The following CAST variants were observed in gnomAD, a reference collection of about 807,000 sequenced individuals.
CAST encodes the protein calpastatin, also known as MIR583 host.
Under a neutral mutation model 119.6 loss-of-function variants are expected in CAST, and 76 were observed. The observed-to-expected ratio is 0.64, with a 90% CI of 0.53 to 0.77. CAST has a LOEUF of 0.77. CAST is among the 30% of genes least tolerant of loss of function. CAST has a pLI of 0.00. For synonymous variants in CAST, 319 were observed against 331.6 expected (o/e 0.96, Z 0.41); for missense variants, 953 against 946.5 (o/e 1.01, Z -0.09).
chr5:96,355,996 G>A, the CAST span, among the ~76,000 whole-genome samples: 741 of 152,046 alleles, frequency 4.9e-3, 6 homozygotes, highest in South Asian at 0.015. Flanking sequence ...CACTGCACCC[G>A]GCCTGTTTCC....
chr5:96,734,791 GA>G (rs570172003), intron 9 of CAST, among the ~76,000 whole-genome samples: 171 of 152,328 alleles, frequency 1.1e-3, no homozygotes, highest in Middle Eastern at 3.4e-3. Context: ...CAGAGGAACT[GA>G]GGAGGAAAGA....
chr5:96,201,436 C>T, the CAST span, among the ~76,000 whole-genome samples: 1 of 152,080 alleles, frequency 6.6e-6, no homozygotes, highest in Admixed American at 6.6e-5. Flanking sequence ...AACTCTTGGG[C>T]AATGCCTTCA....
At chr5:96,599,782 GC>G (rs1282708139) in intron 1 of CAST, among the ~76,000 whole-genome samples, 3 of 151,970 alleles carry the variant, frequency 2.0e-5, no homozygotes, top group Admixed American at 1.3e-4. Flanking sequence ...TTTGAAATAA[GC>G]TATTTTCTTT....
chr5:96,529,573 T>A (rs1176352755), upstream of CAST, among the ~76,000 whole-genome samples: 1 of 152,186 alleles, frequency 6.6e-6, no homozygotes, highest in Non-Finnish European at 1.5e-5. Flanking sequence ...TTTTTGAGAT[T>A]TCAGCATTTA....
chr5:96,331,932 C>T, the CAST span, among the ~76,000 whole-genome samples: 1 of 152,198 alleles, frequency 6.6e-6, no homozygotes, highest in Non-Finnish European at 1.5e-5. Flanking sequence ...TTTCTTATCA[C>T]ACAGTCAACA....
At position 96,742,673 on chromosome 5, in the gene CAST, G is replaced by C. The variant is rs776042410; in HGVS notation, c.1117G>C (p.Ala373Pro). ...KVEKDTMSDQ[A>P]LEALSASLGT... The stretch of plus-strand genomic sequence containing the variant: ...TTAACAGGATACAATGAGTGATCAA[G>C]CACTCGAGGCTCTGTCGGCTTCACT... The change falls in exon 16 of 32, where the codon GCA becomes CCA. Residue 373 changes from alanine to proline, a missense_variant. Ala to Pro is a conservative substitution (Grantham distance 27). Coordinates refer to ENST00000675179, the MANE Select transcript of CAST (RefSeq NM_001750.7). The C allele has an allele frequency of 6.2e-7, 1 of 1,612,950 alleles. No individual in the cohort carries two copies. Among genetic ancestry groups the C allele is most frequent in the Non-Finnish European group, 8.5e-7 (1 of 1,178,954 alleles).
At chr5:96,722,330 T>C (rs1430496596) in intron 3 of CAST, among the ~76,000 whole-genome samples, 3 of 152,216 alleles carry the variant, frequency 2.0e-5, no homozygotes, top group Non-Finnish European at 4.4e-5. Flanking sequence ...AGGGAGTAAT[T>C]CTAATAATAA....
chr5:96,256,136 G>A, the CAST span, among the ~76,000 whole-genome samples: 1 of 150,610 alleles, frequency 6.6e-6, no homozygotes, highest in Non-Finnish European at 1.5e-5. Flanking sequence ...GTATATAAAT[G>A]TATCACCATC....
At position 96,695,914 on chromosome 5, in the gene CAST, G is replaced by A; in HGVS notation, c.210+7G>A. 6.2e-7 allele frequency: 1 copy of A among 1,607,358 alleles called. No homozygotes were observed. Among genetic ancestry groups the A allele is most frequent in the Non-Finnish European group, 8.5e-7 (1 of 1,174,772 alleles). ...AACAGCCTCGGCCACCAAGGTCAGT[G>A]ATTTCCTGAACACGAAAAGACCCCT... On this transcript the variant is annotated splice_region_variant and intron_variant, in intron 3 of 31. Coordinates refer to ENST00000675179, the MANE Select transcript of CAST (RefSeq NM_001750.7).
chr5:96,156,650 A>T, the CAST span, among the ~76,000 whole-genome samples: 1 of 152,244 alleles, frequency 6.6e-6, no homozygotes, highest in Non-Finnish European at 1.5e-5. Flanking sequence ...GCATGTTGGC[A>T]TTGAAGAAAT....
exon 32 of CAST, chr5:96,774,680 A>AAAATCTTGGTTGTGT (rs1773717298): frequency 3.1e-6 from 3 of 982,400 alleles, no homozygotes; most frequent in Non-Finnish European, 2.4e-6. Context: ...ATTTTACATT[A>AAAATCTTGGTTGTGT]AAATCTTGGT....
intron 4 of CAST, 39 bp from the exon 5 acceptor site, chr5:96,726,755 T>C: frequency 6.9e-7 from 1 of 1,440,514 alleles, no homozygotes; most frequent in Non-Finnish European, 9.7e-7. Context: ...GACTGACAGA[T>C]AAAATAAAAT....
the CAST span, among the ~76,000 whole-genome samples, chr5:96,372,574 A>G: frequency 6.6e-6 from 1 of 152,226 alleles, no homozygotes; most frequent in Admixed American, 6.5e-5. Flanking sequence ...GGACTTAGGC[A>G]GAGAACAAGC....
At chr5:96,194,424 TTATGA>T in the CAST span, among the ~76,000 whole-genome samples, 1 of 152,194 alleles carries the variant, frequency 6.6e-6, no homozygotes, top group Non-Finnish European at 1.5e-5. Context: ...CCATGGTATC[TTATGA>T]TGTGATGGGT....
chr5:96,587,946 T>C (rs1353590729), intron 1 of CAST, among the ~76,000 whole-genome samples: 1 of 152,186 alleles, frequency 6.6e-6, no homozygotes, highest in Non-Finnish European at 1.5e-5. Flanking sequence ...AAAGTGCCTA[T>C]ACTAGTGCCA....
chr5:96,198,991 G>A, the CAST span, among the ~76,000 whole-genome samples: 9 of 152,262 alleles, frequency 5.9e-5, no homozygotes, highest in South Asian at 1.9e-3. Context: ...CTTAAACACA[G>A]AAGAGGTGAA....
In CAST at chr5:96,700,664, G is replaced by A. The variant is rs146914130; in HGVS notation, c.210+4757G>A. ...CTACCCATAACCTAAACATCAACTA[G>A]AGAATCTGATTAAAATGCAGATTCT... is the stretch of plus-strand genomic sequence containing the variant. On this transcript the variant is annotated intron_variant, in intron 3 of 31. Transcript: ENST00000675179. 5.9e-5 allele frequency among the ~76,000 whole-genome samples: 9 copies of A among 152,256 alleles called. No homozygotes were observed. The East Asian group carries it at 1.7e-3, about 29-fold the overall frequency.
At chr5:96,625,766 G>C (rs1013403222) in intron 1 of CAST, among the ~76,000 whole-genome samples, 2 of 152,178 alleles carry the variant, frequency 1.3e-5, no homozygotes, top group Non-Finnish European at 2.9e-5. Flanking sequence ...TTGCAGCTTC[G>C]TTGGATGCAC....
At chr5:96,158,522 G>T in the CAST span, among the ~76,000 whole-genome samples, 1 of 152,086 alleles carries the variant, frequency 6.6e-6, no homozygotes, top group African/African-American at 2.4e-5. Flanking sequence ...TTAAAGTCGG[G>T]GGGAGGACAG....
Sources: gnomAD v4.1 joint callset for allele counts (sites outside exome capture counted in the v4.1 genomes callset) on GRCh38, gnomAD v4.1.1 for gene constraint, MANE v1.5 for transcripts, NCBI Gene and HGNC (gene_info 2026-07-23, HGNC 2026-07-21) for gene names.